The following TFEC variants were observed in gnomAD, a reference collection of about 807,000 sequenced individuals.
The protein encoded by TFEC is class E basic helix-loop-helix protein 34.
Under a neutral mutation model 41.6 loss-of-function variants are expected in TFEC, and 31 were observed. The ratio of observed to expected loss-of-function variants is 0.74; its 90% CI spans 0.56 to 1.01. The LOEUF (loss-of-function observed/expected upper bound fraction) is 1.01. TFEC is among the 50% of genes least tolerant of loss of function. The pLI, the probability that TFEC is intolerant of heterozygous loss-of-function variation, is 0.00. For synonymous variants in TFEC, 143 were observed against 140.6 expected, an observed-to-expected ratio of 1.02 and a Z score of -0.12; for missense variants, 402 against 404.1, an observed-to-expected ratio of 0.99 and a Z score of 0.04.
At chr7:116,059,238 A>G (rs1291077184) in intron 3 of TFEC, among the ~76,000 whole-genome samples, 1 of 151,876 alleles carries the variant, frequency 6.6e-6, no homozygotes, top group Non-Finnish European at 1.5e-5. Context: ...ACTTCATGCC[A>G]AAAAAGTCAA....
chr7:116,139,533 A>G (rs1407068723), intron 1 of TFEC, among the ~76,000 whole-genome samples: 1 of 152,186 alleles, frequency 6.6e-6, no homozygotes, highest in Non-Finnish European at 1.5e-5. Context: ...TGTGCCAAGA[A>G]TGGAGGTAAT....
chr7:115,956,606 G>T, intron 4 of TFEC, 73 bp downstream of exon 4: 2 of 935,332 alleles, frequency 2.1e-6, no homozygotes, highest in Non-Finnish European at 3.0e-6. Context: ...ATCCTAGTTA[G>T]CACAATATAT....
intron 3 of TFEC, among the ~76,000 whole-genome samples, chr7:116,038,725 T>C (rs906504674): frequency 2.6e-5 from 4 of 152,014 alleles, no homozygotes; most frequent in African/African-American, 9.7e-5. Context: ...TTAGAGAAAT[T>C]ACAAGTCTTC....
At chr7:116,003,462 CA>C (rs1209735669) in intron 1 of TFEC, among the ~76,000 whole-genome samples, 1 of 151,832 alleles carries the variant, frequency 6.6e-6, no homozygotes, top group Non-Finnish European at 1.5e-5. Flanking sequence ...TTTATATGCC[CA>C]AAAACAGAAG....
chr7:115,956,413 A>G (rs914949119), intron 4 of TFEC, among the ~76,000 whole-genome samples: 1 of 150,016 alleles, frequency 6.7e-6, no homozygotes, highest in Non-Finnish European at 1.5e-5. Flanking sequence ...GTATGTATAT[A>G]TGTGTGTATA....
At chr7:116,096,198 C>G (rs1019632295) in intron 3 of TFEC, among the ~76,000 whole-genome samples, 3 of 152,174 alleles carry the variant, frequency 2.0e-5, no homozygotes, top group African/African-American at 7.2e-5. Flanking sequence ...CCGCTCCACA[C>G]ACACACATAA....
intron 1 of TFEC, among the ~76,000 whole-genome samples, chr7:116,029,616 T>C (rs917529255): frequency 5.9e-5 from 9 of 151,972 alleles, no homozygotes; most frequent in African/African-American, 1.7e-4. Flanking sequence ...TAAGACAATA[T>C]TGAAAGTATG....
chr7:115,952,232 C>G (rs1347364367), intron 5 of TFEC, among the ~76,000 whole-genome samples: 1 of 151,912 alleles, frequency 6.6e-6, no homozygotes. Context: ...TATTTTCCCT[C>G]TTCACCAATC....
chr7:116,046,852 T>A (rs1796177539), intron 3 of TFEC, among the ~76,000 whole-genome samples: 1 of 152,194 alleles, frequency 6.6e-6, no homozygotes, highest in Non-Finnish European at 1.5e-5. Flanking sequence ...ATTTTTGTTA[T>A]GATAAATGAT....
chr7:116,106,201 TTAAAA>T (rs1254669322), intron 3 of TFEC, among the ~76,000 whole-genome samples: 1 of 152,168 alleles, frequency 6.6e-6, no homozygotes, highest in African/African-American at 2.4e-5. Flanking sequence ...ATTTCACTCT[TTAAAA>T]TAAATTAATA....
At chr7:116,116,168 G>A (rs535909370) in intron 1 of TFEC, among the ~76,000 whole-genome samples, 3 of 151,938 alleles carry the variant, frequency 2.0e-5, no homozygotes, top group Non-Finnish European at 4.4e-5. Flanking sequence ...ATGGTAGATA[G>A]TAAAATAACT....
At chr7:116,120,850 A>G (rs1798094137) in intron 1 of TFEC, among the ~76,000 whole-genome samples, 1 of 151,926 alleles carries the variant, frequency 6.6e-6, no homozygotes, top group African/African-American at 2.4e-5. Flanking sequence ...GGCCTCAACT[A>G]TTGATTAAAG....
At chr7:116,111,406 G>A (rs1797852393) in intron 2 of TFEC, among the ~76,000 whole-genome samples, 1 of 152,054 alleles carries the variant, frequency 6.6e-6, no homozygotes, top group Non-Finnish European at 1.5e-5. Context: ...ACAATTTCCA[G>A]CTGGTGGAGT....
intron 1 of TFEC, among the ~76,000 whole-genome samples, chr7:116,012,138 G>GT (rs2130818220): frequency 6.6e-6 from 1 of 152,194 alleles, no homozygotes; most frequent in Non-Finnish European, 1.5e-5. Flanking sequence ...CAATTCAATA[G>GT]TTTCCTGTAA....
chr7:116,158,930 G>T (rs1042145523), intron 1 of TFEC, among the ~76,000 whole-genome samples: 2 of 151,890 alleles, frequency 1.3e-5, no homozygotes, highest in Non-Finnish European at 2.9e-5. Context: ...GTCCCTAAAA[G>T]ATTATAAAAT....
At chr7:116,058,074 TA>T (rs1224782370) in intron 3 of TFEC, among the ~76,000 whole-genome samples, 1 of 151,804 alleles carries the variant, frequency 6.6e-6, no homozygotes, top group African/African-American at 2.4e-5. Flanking sequence ...ATTACCCAAT[TA>T]AAAGGCAAAA....
chr7:115,983,250 A>T (rs1793707115), intron 2 of TFEC, among the ~76,000 whole-genome samples: 1 of 152,140 alleles, frequency 6.6e-6, no homozygotes, highest in South Asian at 2.1e-4. Context: ...TTAGATTTCA[A>T]AAAGTCCCTT....
intron 3 of TFEC, among the ~76,000 whole-genome samples, chr7:116,049,105 G>A (rs1796243854): frequency 6.6e-6 from 1 of 152,168 alleles, no homozygotes; most frequent in South Asian, 2.1e-4. Flanking sequence ...ACATCATAAT[G>A]ACAGGATCAA....
intron 1 of TFEC, among the ~76,000 whole-genome samples, chr7:116,008,897 T>C (rs1316889295): frequency 1.3e-5 from 2 of 152,200 alleles, no homozygotes; most frequent in Non-Finnish European, 2.9e-5. Flanking sequence ...TAATATAAAA[T>C]GTGATTGTAA....
Sources: allele counts gnomAD v4.1 joint callset (sites outside exome capture counted in the v4.1 genomes callset), GRCh38; gene constraint gnomAD v4.1.1; transcripts MANE v1.5; gene names NCBI Gene and HGNC (gene_info 2026-07-23, HGNC 2026-07-21).